Variants in STOX1 observed in about 807,000 individuals in gnomAD.
STOX1 encodes the protein storkhead-box protein 1.
STOX1 carries 57 observed loss-of-function variants against 74.8 expected under a neutral mutation model. The ratio of observed to expected loss-of-function variants is 0.76; its 90% CI spans 0.62 to 0.95. STOX1 has a LOEUF of 0.95. Ranked by LOEUF, STOX1 falls within the 40% of genes least tolerant of loss-of-function variation. The pLI, the probability that STOX1 is intolerant of heterozygous loss-of-function variation, is 0.00. For synonymous variants in STOX1, 375 were observed against 401.3 expected (o/e 0.93, Z 0.78); for missense variants, 1,010 against 1,117.0 (o/e 0.90, Z 1.37).
chr10:68,835,382 C>A (rs1206237265), intron 1 of STOX1, among the ~76,000 whole-genome samples: 1 of 151,762 alleles, frequency 6.6e-6, no homozygotes, highest in East Asian at 1.9e-4. Flanking sequence ...TTCACTCTGT[C>A]ATCCAGGCTA....
chr10:68,880,543 C>A (rs966335669), intron 1 of STOX1, among the ~76,000 whole-genome samples: 3 of 152,104 alleles, frequency 2.0e-5, no homozygotes, highest in African/African-American at 7.2e-5. Context: ...CTTCCTCAAC[C>A]CTTTGGATTT....
At chr10:68,829,832 A>C (rs1417259919) in intron 1 of STOX1, among the ~76,000 whole-genome samples, 1 of 152,226 alleles carries the variant, frequency 6.6e-6, no homozygotes, top group African/African-American at 2.4e-5. Context: ...CTCTGAGAGC[A>C]GTGAGCCAAG....
chr10:68,856,763 A>T (rs186091609), intron 1 of STOX1, among the ~76,000 whole-genome samples: 20 of 152,238 alleles, frequency 1.3e-4, no homozygotes, highest in African/African-American at 4.6e-4. Flanking sequence ...CACTGCAAGG[A>T]GACAGCGACA....
intron 1 of STOX1, among the ~76,000 whole-genome samples, chr10:68,844,098 T>C (rs945279067): frequency 6.6e-6 from 1 of 151,584 alleles, no homozygotes; most frequent in African/African-American, 2.4e-5. Context: ...GAGAATGGCA[T>C]GAGCCCGGGA....
In STOX1 at chr10:68,885,282, C is replaced by T; in HGVS notation, c.1486C>T (p.Pro496Ser). 2 of 1,614,172 alleles carry T rather than the reference C, an allele frequency of 1.2e-6. No homozygotes were observed. The highest frequency in any genetic ancestry group is 8.5e-7 in the Non-Finnish European group (1 of 1,180,030). The change falls in exon 3 of 4, where the codon CCT becomes TCT. Residue 496 changes from proline to serine, a missense_variant. Pro to Ser is a moderately conservative substitution (Grantham distance 74). Transcript: ENST00000298596. Reference protein sequence around the residue: ...HLIYKKRISNPFQGLSHRGST... With the variant: ...HLIYKKRISNSFQGLSHRGST... Reference sequence around the variant, plus strand: ...GATTTACAAAAAGCGAATCAGTAATCCTTTCCAGGGTTTGTCTCACCGAGG... The same window carrying T: ...GATTTACAAAAAGCGAATCAGTAATTCTTTCCAGGGTTTGTCTCACCGAGG...
intron 1 of STOX1, among the ~76,000 whole-genome samples, chr10:68,838,206 G>A (rs920122952): frequency 1.3e-5 from 2 of 151,782 alleles, no homozygotes; most frequent in South Asian, 4.2e-4. Context: ...AGCTGGGACT[G>A]CAGGCAGGTG....
At chr10:68,828,294 G>A in intron 1 of STOX1, 1 of 1,172,918 alleles carries the variant, frequency 8.5e-7, no homozygotes, top group Non-Finnish European at 1.1e-6. Context: ...CGGAGGGGAG[G>A]GGCGTCCCGC....
At chr10:68,841,460 A>G (rs1270556583) in intron 1 of STOX1, among the ~76,000 whole-genome samples, 2 of 152,162 alleles carry the variant, frequency 1.3e-5, no homozygotes, top group African/African-American at 4.8e-5. Flanking sequence ...TAAATCTACA[A>G]ATAATATGGA....
intron 1 of STOX1, among the ~76,000 whole-genome samples, chr10:68,857,904 G>A (rs906272207): frequency 7.9e-5 from 12 of 152,066 alleles, no homozygotes; most frequent in African/African-American, 2.9e-4. Flanking sequence ...TGGCTGTGGG[G>A]CACTTGGGAG....
At chr10:68,848,944 A>G (rs1839916733) in intron 1 of STOX1, among the ~76,000 whole-genome samples, 1 of 152,154 alleles carries the variant, frequency 6.6e-6, no homozygotes, top group Non-Finnish European at 1.5e-5. Context: ...TGCTGGAATT[A>G]CAGGCATGAG....
chr10:68,879,594 G>T (rs1840760171), intron 1 of STOX1, among the ~76,000 whole-genome samples: 1 of 152,080 alleles, frequency 6.6e-6, no homozygotes, highest in African/African-American at 2.4e-5. Flanking sequence ...AAGGGACACA[G>T]ATCTTATTTT....
At chr10:68,853,548 T>G (rs533941761) in intron 1 of STOX1, among the ~76,000 whole-genome samples, 1 of 152,260 alleles carries the variant, frequency 6.6e-6, no homozygotes, top group East Asian at 1.9e-4. Context: ...AAATTCTGTC[T>G]TCTGTATAAT....
chr10:68,862,443 G>A (rs546166037), intron 1 of STOX1, among the ~76,000 whole-genome samples: 2 of 152,154 alleles, frequency 1.3e-5, no homozygotes, highest in Non-Finnish European at 1.5e-5. Flanking sequence ...GAAAAGGAGG[G>A]TGAACACAAC....
In STOX1 at chr10:68,827,673, G is replaced by C. The variant is rs1327769324; in HGVS notation, c.50G>C (p.Cys17Ser). The C allele has an allele frequency of 8.0e-6, 9 of 1,127,314 alleles. No individual in the cohort carries two copies. Among genetic ancestry groups the C allele is most frequent in the Non-Finnish European group, 4.3e-6 (4 of 920,678 alleles). 69.8% of individuals were successfully genotyped at this position (1,127,314 alleles called of 1,614,324 possible). Residue 17 changes from cysteine (C) to serine (S), a missense_variant, in exon 1 of 4, where the codon TGC becomes TCC. Coordinates refer to ENST00000298596, the MANE Select transcript of STOX1 (RefSeq NM_152709.5). Reference protein sequence around the residue: ...LAPGSLALVLCRLEAQKAAGA... With the variant: ...LAPGSLALVLSRLEAQKAAGA... ...CCGGGCTCGCTGGCGCTAGTGCTGT[G>C]CCGGCTGGAGGCGCAGAAGGCGGCG... is the stretch of plus-strand genomic sequence containing the variant.
chr10:68,871,048 G>T (rs1840524323), intron 1 of STOX1, among the ~76,000 whole-genome samples: 1 of 152,202 alleles, frequency 6.6e-6, no homozygotes, highest in African/African-American at 2.4e-5. Context: ...ATAAAGTCAT[G>T]AACATATCCA....
At chr10:68,846,167 G>C (rs370020657) in intron 1 of STOX1, among the ~76,000 whole-genome samples, 2 of 90,658 alleles carry the variant, frequency 2.2e-5, no homozygotes, top group Admixed American at 1.0e-4. Flanking sequence ...TATTATTTGA[G>C]ACGGAGTCTC....
chr10:68,860,017 C>T lies in STOX1; in HGVS notation c.311-21941C>T, dbSNP rs953146032. Among the ~76,000 whole-genome samples the T allele has an allele frequency of 5.9e-5, 9 of 151,974 alleles. No individual in the cohort carries two copies. The South Asian group carries it at 8.3e-4, about 14-fold the overall frequency. ...TAAAAAAGTTTCACTGGCGGCTATG[C>T]GTGGTGGCTCATGCCTGTAATCCCA... On this transcript the variant is annotated intron_variant, in intron 1 of 3. Transcript: ENST00000298596.
intron 1 of STOX1, chr10:68,829,081 C>A: frequency 1.3e-6 from 1 of 753,798 alleles, no homozygotes; most frequent in Non-Finnish European, 1.6e-6. Context: ...TGACAAGTCA[C>A]CAGTTGTTCC....
chr10:68,852,248 GC>G, intron 1 of STOX1, among the ~76,000 whole-genome samples: 1 of 132,240 alleles, frequency 7.6e-6, no homozygotes, highest in East Asian at 2.3e-4. Flanking sequence ...TTCTCTTACT[GC>G]TTTTTTTTTT....
Sources: allele counts gnomAD v4.1 joint callset (sites outside exome capture counted in the v4.1 genomes callset), GRCh38; gene constraint gnomAD v4.1.1; transcripts MANE v1.5; gene names NCBI Gene and HGNC (gene_info 2026-07-23, HGNC 2026-07-21).